JADE1: variants seen among roughly 807,000 people sequenced by gnomAD.
JADE1 encodes protein Jade-1.
JADE1 carries 14 observed loss-of-function variants against 81.8 expected under a neutral mutation model. The observed-to-expected ratio is 0.17, with a 90% confidence interval of 0.11 to 0.27. JADE1 has a LOEUF of 0.27. JADE1 is among the 10% of genes least tolerant of loss of function. The pLI is 1.00. For synonymous variants in JADE1, 353 were observed against 391.9 expected (o/e 0.90, Z 1.17); for missense variants, 690 against 1,047.9 (o/e 0.66, Z 4.71).
At chr4:128,867,374 C>T (rs960403271) in intron 9 of JADE1, among the ~76,000 whole-genome samples, 5 of 152,164 alleles carry the variant, frequency 3.3e-5, no homozygotes, top group Admixed American at 6.5e-5. Context: ...GACCCTTGGC[C>T]CCATGTTTAC....
rs532761196 is a variant in JADE1 at position 128,874,430 on chromosome 4, A to G, written c.*2168A>G. 6.6e-6 allele frequency: 1 copy of G among 152,602 alleles called. No homozygotes were observed. Among genetic ancestry groups the G allele is most frequent in the South Asian group, 2.1e-4 (1 of 4,818 alleles). 9.5% of individuals were successfully genotyped at this position (152,602 alleles called of 1,614,324 possible). ...AATGCCTTACCTGTTTTTTCCCCAC[A>G]TTTAGGTTGAAAAGCTTTCAAATGT... On this transcript the variant is annotated 3_prime_UTR_variant, in exon 11 of 11. Coordinates refer to ENST00000226319, the MANE Select transcript of JADE1 (RefSeq NM_199320.4).
chr4:128,833,693 C>T (rs533880457), intron 2 of JADE1, among the ~76,000 whole-genome samples: 126 of 151,916 alleles, frequency 8.3e-4, no homozygotes, highest in Admixed American at 7.7e-3. Flanking sequence ...GACTCCGTCT[C>T]GAAAAAAAAT....
At chr4:128,863,628 C>T (rs1347681399) in intron 9 of JADE1, 1 of 985,304 alleles carries the variant, frequency 1.0e-6, no homozygotes, top group East Asian at 1.1e-4. Flanking sequence ...GAGGCAGGAT[C>T]CTGGAGCAGT....
At chr4:128,826,825 A>G (rs557609671) in intron 1 of JADE1, among the ~76,000 whole-genome samples, 9 of 152,316 alleles carry the variant, frequency 5.9e-5, no homozygotes, top group African/African-American at 1.9e-4. Context: ...TTGAATACTG[A>G]CAAAGACTCC....
At chr4:128,821,198 T>G (rs1727535753) in intron 1 of JADE1, among the ~76,000 whole-genome samples, 1 of 152,214 alleles carries the variant, frequency 6.6e-6, no homozygotes, top group Non-Finnish European at 1.5e-5. Context: ...TTGTATATTC[T>G]GAAGAGATTA....
chr4:128,872,039 C>A lies in JADE1; in HGVS notation c.2306C>A (p.Ala769Asp). 1 of 1,613,952 alleles carries A rather than the reference C, an allele frequency of 6.2e-7. No individual in the cohort carries two copies. Among genetic ancestry groups the A allele is most frequent in the South Asian group, 1.1e-5 (1 of 91,074 alleles). Residue 769 changes from alanine to aspartate, a missense_variant, in exon 11 of 11, where the codon GCC becomes GAC. This residue lies in a region of JADE1 where 218 missense variants were observed against 274.3 expected (regional missense o/e 0.79). Coordinates refer to ENST00000226319, the MANE Select transcript of JADE1 (RefSeq NM_199320.4). Reference sequence around the variant, plus strand: ...CAGCAGGGAGAGGCCCACGATGGGGCCTGCCACCAGCACTCAGACTACCCA... The same window carrying A: ...CAGCAGGGAGAGGCCCACGATGGGGACTGCCACCAGCACTCAGACTACCCA... ...RQQQGEAHDGACHQHSDYPYL... is the reference protein window; with the variant it reads ...RQQQGEAHDGDCHQHSDYPYL...
chr4:128,835,622 C>T (rs1352532423), intron 2 of JADE1, among the ~76,000 whole-genome samples: 1 of 152,212 alleles, frequency 6.6e-6, no homozygotes, highest in East Asian at 1.9e-4. Context: ...GTTCTGCTTA[C>T]AAGAAAGATA....
Position 128,869,860 on chromosome 4 carries a change from C to G in JADE1, c.1622-1495C>G, listed in dbSNP as rs151020395. 7.2e-3 allele frequency among the ~76,000 whole-genome samples: 1,092 copies of G among 151,866 alleles called. 9 individuals carry two copies. Among genetic ancestry groups the G allele is most frequent in the African/African-American group, 0.025 (1,047 of 41,458 alleles). On this transcript the variant is annotated intron_variant, in intron 10 of 10. Coordinates refer to ENST00000226319, the MANE Select transcript of JADE1 (RefSeq NM_199320.4). The stretch of plus-strand genomic sequence containing the variant: ...CTTTAGGGTGCTTTTTTTCTTTTTC[C>G]AGTCCTAGGCTTCAGTCGTGTTCTT...
intron 8 of JADE1, among the ~76,000 whole-genome samples, chr4:128,858,633 C>T (rs1345316026): frequency 6.7e-6 from 1 of 148,366 alleles, no homozygotes; most frequent in Non-Finnish European, 1.5e-5. Flanking sequence ...GACAGAGTCT[C>T]ACTCTGTCGC....
At chr4:128,823,737 C>T (rs1428341808) in intron 1 of JADE1, among the ~76,000 whole-genome samples, 1 of 152,162 alleles carries the variant, frequency 6.6e-6, no homozygotes, top group Non-Finnish European at 1.5e-5. Flanking sequence ...TTATTTTTGA[C>T]TAGATATAAC....
chr4:128,848,309 G>C (rs77358618), intron 4 of JADE1, among the ~76,000 whole-genome samples: 2,121 of 152,276 alleles, frequency 0.014, 49 homozygotes, highest in African/African-American at 0.048. Flanking sequence ...CTCCCGAGTA[G>C]CTGGGGTTAC....
intron 1 of JADE1, 192 bp from the exon 2 acceptor site, chr4:128,831,541 C>CT (rs1489786173): frequency 3.7e-6 from 2 of 536,490 alleles, no homozygotes; most frequent in Non-Finnish European, 6.6e-6. Flanking sequence ...CCTCCCCCTC[C>CT]TTTTTTAACC....
intron 6 of JADE1, among the ~76,000 whole-genome samples, chr4:128,853,985 A>G (rs1351626143): frequency 6.6e-6 from 1 of 152,220 alleles, no homozygotes; most frequent in East Asian, 1.9e-4. Context: ...GTTCTGTGAC[A>G]TGAGCATCCT....
At chr4:128,861,575 T>C in intron 8 of JADE1, 129 bp from the exon 9 acceptor site, 2 of 1,072,150 alleles carry the variant, frequency 1.9e-6, no homozygotes, top group Non-Finnish European at 2.7e-6. Context: ...ACAACTTTCC[T>C]GTCATGGCAC....
At chr4:128,818,149 C>G (rs1015171556) in intron 1 of JADE1, among the ~76,000 whole-genome samples, 1 of 151,180 alleles carries the variant, frequency 6.6e-6, no homozygotes, top group African/African-American at 2.4e-5. Context: ...GAGATAGAGT[C>G]TTGCTCTGTT....
intron 6 of JADE1, among the ~76,000 whole-genome samples, chr4:128,855,228 C>T (rs942421667): frequency 1.3e-5 from 2 of 152,218 alleles, no homozygotes; most frequent in African/African-American, 2.4e-5. Flanking sequence ...GCTTCTCTCA[C>T]GGAACCCTGT....
chr4:128,867,822 T>C, intron 9 of JADE1, 34 bp from the exon 10 acceptor site: 2 of 1,399,854 alleles, frequency 1.4e-6, no homozygotes, highest in South Asian at 2.3e-5. Flanking sequence ...TATACTGTAT[T>C]GCTTACTTAG....
At chr4:128,853,817 C>T (rs909126738) in intron 6 of JADE1, among the ~76,000 whole-genome samples, 1 of 152,204 alleles carries the variant, frequency 6.6e-6, no homozygotes, top group African/African-American at 2.4e-5. Flanking sequence ...ACCTCCTAGG[C>T]TTTCCCTCTG....
At chr4:128,822,291 C>T (rs530408278) in intron 1 of JADE1, among the ~76,000 whole-genome samples, 5 of 151,968 alleles carry the variant, frequency 3.3e-5, no homozygotes, top group East Asian at 3.9e-4. Context: ...CGCTTGAATC[C>T]GGGAGGCGGA....
Sources: allele counts gnomAD v4.1 joint callset (sites outside exome capture counted in the v4.1 genomes callset), GRCh38; gene constraint gnomAD v4.1.1; regional missense constraint gnomAD v4.1.1; transcripts MANE v1.5; gene names NCBI Gene and HGNC (gene_info 2026-07-23, HGNC 2026-07-21).